Variants in ABCA12 observed in about 807,000 individuals in gnomAD.
ABCA12 encodes ATP binding cassette subfamily A member 12, also known as glucosylceramide transporter ABCA12.
ABCA12 carries 156 observed loss-of-function variants against 293.5 expected under a neutral mutation model. The ratio of observed to expected loss-of-function variants is 0.53; its 90% confidence interval spans 0.47 to 0.61. The LOEUF is 0.61. ABCA12 is among the 20% of genes least tolerant of loss of function. The pLI, the probability that ABCA12 is intolerant of heterozygous loss-of-function variation, is 0.00. For synonymous variants in ABCA12, 1,063 were observed against 1,108.0 expected, an observed-to-expected ratio of 0.96 and a Z score of 0.81; for missense variants, 2,797 against 3,090.2, an observed-to-expected ratio of 0.91 and a Z score of 2.25.
chr2:215,085,180 G>A (rs1452811519), intron 2 of ABCA12, among the ~76,000 whole-genome samples: 3 of 151,872 alleles, frequency 2.0e-5, no homozygotes, highest in Admixed American at 6.6e-5. Context: ...CTTCGTGCCT[G>A]TGTAAGAAGC....
chr2:215,054,499 A>G, intron 4 of ABCA12, 74 bp downstream of exon 4: 2 of 1,272,346 alleles, frequency 1.6e-6, no homozygotes, highest in Non-Finnish European at 2.3e-6. Flanking sequence ...AGTTTAAAGT[A>G]TAAACCTTTC....
intron 1 of ABCA12, among the ~76,000 whole-genome samples, chr2:215,137,082 T>C (rs974573755): frequency 1.3e-5 from 2 of 152,108 alleles, no homozygotes; most frequent in African/African-American, 2.4e-5. Flanking sequence ...TGAATGAGTT[T>C]ATAATTTTAT....
chr2:215,083,455 C>G (rs1701981880), intron 2 of ABCA12, among the ~76,000 whole-genome samples: 1 of 152,062 alleles, frequency 6.6e-6, no homozygotes, highest in East Asian at 1.9e-4. Context: ...GGAGAAAAGC[C>G]AGAGTGTCCG....
At position 214,970,347 on chromosome 2, in the gene ABCA12, C is replaced by G. The variant is rs1402583881; in HGVS notation, c.5616G>C (p.Gln1872His). Residue 1872 changes from glutamine (Q) to histidine (H), a missense_variant, in exon 37 of 53, where the codon CAG (glutamine) becomes CAC (histidine). By Grantham distance (24) the Gln-to-His change is conservative (BLOSUM62 0). Coordinates refer to ENST00000272895, the MANE Select transcript of ABCA12 (RefSeq NM_173076.3). ...GTTGCCCAGTGAGGTTATAAATTAC[C>G]TGGGATGAGTAAGTTCTTCTGTGCG... is the stretch of plus-strand genomic sequence containing the variant. Reference protein sequence around the residue: ...SPPHRRTYSSQVIYNLTGQRV... With the variant: ...SPPHRRTYSSHVIYNLTGQRV... 1.2e-6 allele frequency: 2 copies of G among 1,612,982 alleles called. No individual in the cohort carries two copies. The highest frequency in any genetic ancestry group is 1.1e-5 in the South Asian group (1 of 91,012).
chr2:214,947,674 GA>G (rs1274531925), intron 47 of ABCA12, 118 bp from the exon 48 acceptor site: 10 of 1,100,374 alleles, frequency 9.1e-6, no homozygotes, highest in South Asian at 1.5e-5. Context: ...AATATATCTG[GA>G]AAAAAATGAA....
At chr2:215,025,648 T>G (rs778606840) in intron 11 of ABCA12, 25 bp downstream of exon 11, 9 of 1,264,422 alleles carry the variant, frequency 7.1e-6, no homozygotes, top group South Asian at 1.4e-5. Context: ...TTGTTTTTTG[T>G]TTTTTTTTTA....
intron 2 of ABCA12, among the ~76,000 whole-genome samples, chr2:215,099,924 T>C (rs1702320808): frequency 6.6e-6 from 1 of 151,992 alleles, no homozygotes; most frequent in Non-Finnish European, 1.5e-5. Context: ...TTCACAGACT[T>C]CCAATGTTTC....
rs1259824998 is a variant in ABCA12, at chr2:214,975,794, G to C, written c.5372C>G (p.Ala1791Gly). The part of the protein sequence containing the change: ...PSLYGTSEQT[A>G]FYANYHPSTE... The stretch of plus-strand genomic sequence containing the variant: ...ACAGAAAGAAACTTACGCATAGAAG[G>C]CTGTCTGTTCGGAGGTACCATAAAG... Residue 1791 changes from alanine (A) to glycine (G), a missense_variant, in exon 34 of 53, where the codon GCC becomes GGC. Transcript: ENST00000272895. 4.3e-6 allele frequency: 7 copies of C among 1,613,736 alleles called. No homozygotes were observed. Among genetic ancestry groups the C allele is most frequent in the Admixed American group, 1.7e-5 (1 of 59,996 alleles).
chr2:214,968,282 A>G (rs1699309166), intron 38 of ABCA12, among the ~76,000 whole-genome samples: 1 of 152,040 alleles, frequency 6.6e-6, no homozygotes, highest in Non-Finnish European at 1.5e-5. Flanking sequence ...AGTTTTGCCT[A>G]TAAACTCTCA....
chr2:215,055,784 A>G (rs1426940712), intron 3 of ABCA12, among the ~76,000 whole-genome samples: 3 of 151,998 alleles, frequency 2.0e-5, no homozygotes, highest in Non-Finnish European at 2.9e-5. Flanking sequence ...TTTTGCTCCA[A>G]AAGTTCTGCA....
intron 13 of ABCA12, 71 bp from the exon 14 acceptor site, chr2:215,018,203 A>G (rs1473983990): frequency 9.0e-6 from 14 of 1,562,404 alleles, no homozygotes; most frequent in Non-Finnish European, 4.3e-6. Context: ...TATGACTAAC[A>G]TAGAGAAACC....
chr2:214,932,809 T>TTC (rs1370566018), intron 52 of ABCA12, 68 bp from the exon 53 acceptor site: 20 of 753,586 alleles, frequency 2.7e-5, no homozygotes, highest in African/African-American at 2.6e-4. Context: ...AGTTAATTCA[T>TTC]TCTCTCTCTC....
At chr2:215,075,755 GTA>G (rs987295172) in intron 2 of ABCA12, 52 of 538,808 alleles carry the variant, frequency 9.7e-5, no homozygotes, top group Non-Finnish European at 1.6e-4. Flanking sequence ...CCCAATAGAG[GTA>G]TGTTACTAAC....
intron 34 of ABCA12, 91 bp from the exon 35 acceptor site, chr2:214,974,955 A>G (rs1255891963): frequency 7.6e-6 from 9 of 1,188,050 alleles, no homozygotes; most frequent in Non-Finnish European, 1.1e-5. Context: ...TGTGCTGTAT[A>G]TAGAAGGGTT....
At chr2:215,132,194 A>G (rs1037383966) in intron 1 of ABCA12, among the ~76,000 whole-genome samples, 6 of 152,090 alleles carry the variant, frequency 3.9e-5, no homozygotes, top group African/African-American at 1.2e-4. Flanking sequence ...TGCACAGATG[A>G]GAAGAATGTA....
intron 9 of ABCA12, among the ~76,000 whole-genome samples, chr2:215,027,278 G>T (rs981586791): frequency 6.6e-6 from 1 of 152,006 alleles, no homozygotes; most frequent in African/African-American, 2.4e-5. Flanking sequence ...CCCGGGAGGC[G>T]GAGCTTGCAG....
At position 214,947,404 on chromosome 2, in the gene ABCA12, AAAT is replaced by A; in HGVS notation, c.7239+15_7239+17del. On this transcript the variant is annotated intron_variant, in intron 48 of 52. Transcript: ENST00000272895. ...GTTCTAATTATGGAGTGGCCTGTTT[AAAT>A]AATGATTCTCTTACCAGCAGTAGAA... 1 of 1,613,766 alleles carries A rather than the reference AAAT, an allele frequency of 6.2e-7. No individual in the cohort carries two copies.
chr2:214,995,359 G>T (rs1353714252), intron 23 of ABCA12, among the ~76,000 whole-genome samples: 2 of 152,202 alleles, frequency 1.3e-5, no homozygotes, highest in Admixed American at 1.3e-4. Flanking sequence ...TGAAAAGATA[G>T]TATTAAAAAG....
At chr2:215,050,853 AAG>A in intron 5 of ABCA12, 1 of 984,038 alleles carries the variant, frequency 1.0e-6, no homozygotes, top group African/African-American at 1.7e-5. Flanking sequence ...AAGAGAAAGA[AAG>A]AGGAATCAGA....
Sources: gnomAD v4.1 joint callset for allele counts (sites outside exome capture counted in the v4.1 genomes callset) on GRCh38, gnomAD v4.1.1 for gene constraint, MANE v1.5 for transcripts, NCBI Gene and HGNC (gene_info 2026-07-23, HGNC 2026-07-21) for gene names.